Variants in CLVS2 observed in about 807,000 individuals in gnomAD.
The protein encoded by CLVS2 is clavesin-2.
CLVS2 carries 19 observed loss-of-function variants against 29.0 expected under a neutral mutation model. The ratio of observed to expected loss-of-function variants is 0.66; its 90% CI spans 0.46 to 0.96. The LOEUF (loss-of-function observed/expected upper bound fraction) is 0.96. CLVS2 is among the 40% of genes least tolerant of loss of function. The probability of loss-of-function intolerance (pLI) is 0.00; values close to 1 mark genes in which losing one functional copy is unlikely to be tolerated. For missense variants in CLVS2, 294 were observed against 404.1 expected (o/e 0.73, Z 2.34); for synonymous variants, 161 against 151.3 (o/e 1.06, Z -0.47).
intron 5 of CLVS2, among the ~76,000 whole-genome samples, chr6:123,061,230 G>A (rs1949612878): frequency 6.6e-6 from 1 of 152,110 alleles, no homozygotes; most frequent in Admixed American, 6.6e-5. Flanking sequence ...CCGGGAGGCG[G>A]AGGTTGCGGT....
chr6:123,068,762 G>A lies in CLVS2; in HGVS notation c.*5001G>A, dbSNP rs533250230. 7 of 151,386 alleles carry A rather than the reference G, an allele frequency of 4.6e-5. No homozygotes were observed. Among genetic ancestry groups the A allele is most frequent in the East Asian group, 1.9e-4 (1 of 5,174 alleles). 9.4% of individuals were successfully genotyped at this position (151,386 alleles called of 1,614,324 possible). A position where few individuals can be genotyped will look rare whatever the true frequency, so the allele number is the denominator to read the frequency against. Reference sequence around the variant, plus strand: ...ACAAACTACTTATTTAGTACTACACGGCATTTACTATTTGGCCTTTTGAAG... The same window carrying A: ...ACAAACTACTTATTTAGTACTACACAGCATTTACTATTTGGCCTTTTGAAG... On this transcript the variant is annotated 3_prime_UTR_variant, in exon 6 of 6. Transcript: ENST00000275162.
chr6:123,043,463 G>A (rs1008909031), intron 3 of CLVS2, among the ~76,000 whole-genome samples: 1 of 152,042 alleles, frequency 6.6e-6, no homozygotes. Context: ...ATCACTATAT[G>A]CCCTTTGCTA....
intron 2 of CLVS2, among the ~76,000 whole-genome samples, chr6:123,007,148 C>T (rs185609935): frequency 6.6e-6 from 1 of 152,156 alleles, no homozygotes; most frequent in East Asian, 1.9e-4. Context: ...TTAAAAAGTA[C>T]AAAAAGCAAG....
chr6:123,021,538 T>C (rs1476446173), intron 3 of CLVS2, among the ~76,000 whole-genome samples: 1 of 152,102 alleles, frequency 6.6e-6, no homozygotes, highest in Admixed American at 6.6e-5. Flanking sequence ...TGTTTTGTAA[T>C]TACATATATA....
intron 3 of CLVS2, among the ~76,000 whole-genome samples, chr6:123,019,758 A>T (rs1303164012): frequency 1.3e-5 from 2 of 152,112 alleles, no homozygotes; most frequent in Non-Finnish European, 2.9e-5. Flanking sequence ...ACGTTGGCTT[A>T]TGCAGTTATG....
intron 3 of CLVS2, among the ~76,000 whole-genome samples, chr6:123,039,503 G>C (rs1037811598): frequency 6.6e-6 from 1 of 152,246 alleles, no homozygotes; most frequent in Admixed American, 6.5e-5. Context: ...TCCTGCTGTT[G>C]TGCTTGATTG....
At chr6:123,022,112 G>A (rs1774932983) in intron 3 of CLVS2, among the ~76,000 whole-genome samples, 1 of 151,962 alleles carries the variant, frequency 6.6e-6, no homozygotes, top group African/African-American at 2.4e-5. Flanking sequence ...ACCTTTCAGA[G>A]TATTCTTACG....
In CLVS2 at chr6:123,065,778, A is replaced by T. The variant is rs1488690120; in HGVS notation, c.*2017A>T. 6.6e-6 allele frequency: 1 copy of T among 151,818 alleles called. No homozygotes were observed. The highest frequency in any genetic ancestry group is 1.5e-5 in the Non-Finnish European group (1 of 67,788). 9.4% of individuals were successfully genotyped at this position (151,818 alleles called of 1,614,324 possible). A position where few individuals can be genotyped will look rare whatever the true frequency, so the allele number is the denominator to read the frequency against. ...AAGTGCAGAGGGCAGTCAACTTTTC[A>T]TTCTCATGAGTTTCTCTTGATGTGT... On this transcript the variant is annotated 3_prime_UTR_variant, in exon 6 of 6. Coordinates refer to ENST00000275162, the MANE Select transcript of CLVS2 (RefSeq NM_001010852.4).
intron 3 of CLVS2, among the ~76,000 whole-genome samples, chr6:123,034,408 C>T (rs143321521): frequency 0.014 from 2,099 of 152,192 alleles, 15 homozygotes; most frequent in Middle Eastern, 0.048. Context: ...GCTATTGATA[C>T]ACACAACAAT....
intron 3 of CLVS2, among the ~76,000 whole-genome samples, chr6:123,015,941 A>C (rs1163407512): frequency 6.6e-6 from 1 of 151,410 alleles, no homozygotes; most frequent in Non-Finnish European, 1.5e-5. Flanking sequence ...AAAAATCTTC[A>C]AATGTTTTCA....
chr6:123,001,797 GA>G (rs774495662), intron 2 of CLVS2, among the ~76,000 whole-genome samples: 4 of 152,130 alleles, frequency 2.6e-5, no homozygotes, highest in Non-Finnish European at 5.9e-5. Flanking sequence ...AGGAAGCTTG[GA>G]AAGAAAGTAC....
rs903908948 is a variant in CLVS2, at chr6:123,072,790, A to C, written c.*9029A>C. 1 of 152,110 alleles carries C rather than the reference A, an allele frequency of 6.6e-6. No homozygotes were observed. Among genetic ancestry groups the C allele is most frequent in the Non-Finnish European group, 1.5e-5 (1 of 68,006 alleles). The allele number at this position is 152,110 out of a possible 1,614,324, so 9.4% of individuals were successfully genotyped here. A position where few individuals can be genotyped will look rare whatever the true frequency, so the allele number is the denominator to read the frequency against. ...AATGGATTTAACAATTTTACAAAGC[A>C]GATCATTGTTTATTATATTCTGAAA... On this transcript the variant is annotated 3_prime_UTR_variant, in exon 6 of 6. Transcript: ENST00000275162.
At chr6:122,999,780 G>T (rs1582640505) in intron 2 of CLVS2, among the ~76,000 whole-genome samples, 1 of 152,120 alleles carries the variant, frequency 6.6e-6, no homozygotes, top group Non-Finnish European at 1.5e-5. Context: ...CTCGAAGTCT[G>T]TTAGAGATAC....
intron 3 of CLVS2, among the ~76,000 whole-genome samples, chr6:123,017,692 G>A (rs1490664922): frequency 6.6e-6 from 1 of 152,038 alleles, no homozygotes; most frequent in Non-Finnish European, 1.5e-5. Flanking sequence ...CTGACAATAG[G>A]TAAAAGCTAT....
At chr6:123,008,915 A>G (rs1374935979) in intron 2 of CLVS2, among the ~76,000 whole-genome samples, 1 of 152,074 alleles carries the variant, frequency 6.6e-6, no homozygotes, top group Non-Finnish European at 1.5e-5. Context: ...TTATTATTTT[A>G]TATATTCAGA....
At chr6:123,007,001 T>A (rs146104642) in intron 2 of CLVS2, among the ~76,000 whole-genome samples, 1 of 152,150 alleles carries the variant, frequency 6.6e-6, no homozygotes, top group African/African-American at 2.4e-5. Context: ...CAGAACCAAA[T>A]AGAAGAGTTT....
chr6:123,052,349 G>A (rs188005205), intron 4 of CLVS2, among the ~76,000 whole-genome samples: 2 of 152,290 alleles, frequency 1.3e-5, no homozygotes, highest in Non-Finnish European at 2.9e-5. Flanking sequence ...CATTATAAAT[G>A]TTCTGAGGCA....
At chr6:123,023,611 A>G (rs1774955511) in intron 3 of CLVS2, among the ~76,000 whole-genome samples, 1 of 152,144 alleles carries the variant, frequency 6.6e-6, no homozygotes, top group Non-Finnish European at 1.5e-5. Flanking sequence ...AAAGAGATTT[A>G]CTTTTTCTCA....
chr6:123,049,917 T>G (rs1400913229), intron 4 of CLVS2, among the ~76,000 whole-genome samples: 1 of 152,110 alleles, frequency 6.6e-6, no homozygotes, highest in Non-Finnish European at 1.5e-5. Flanking sequence ...CTGCACGTTG[T>G]GCACATGTAC....
Sources: gnomAD v4.1 joint callset for allele counts (sites outside exome capture counted in the v4.1 genomes callset) on GRCh38, gnomAD v4.1.1 for gene constraint, MANE v1.5 for transcripts, NCBI Gene and HGNC (gene_info 2026-07-23, HGNC 2026-07-21) for gene names.